Variants in PALM2AKAP2 observed in about 807,000 individuals in gnomAD.
PALM2AKAP2 encodes PALM2 and AKAP2 fusion.
Under a neutral mutation model 71.5 loss-of-function variants are expected in PALM2AKAP2, and 37 were observed. That is an observed-to-expected ratio of 0.52 (90% CI 0.40 to 0.68). The LOEUF (loss-of-function observed/expected upper bound fraction) is 0.68. PALM2AKAP2 is among the 30% of genes least tolerant of loss of function. The probability of loss-of-function intolerance (pLI) is 0.00; values close to 1 mark genes in which losing one functional copy is unlikely to be tolerated. For missense variants in PALM2AKAP2, 1,224 were observed against 1,191.8 expected, an observed-to-expected ratio of 1.03 and a Z score of -0.40; for synonymous variants, 468 against 478.8, an observed-to-expected ratio of 0.98 and a Z score of 0.29.
At chr9:109,644,604 G>T (rs10979979) in intron 1 of PALM2AKAP2, among the ~76,000 whole-genome samples, 31,500 of 151,940 alleles carry the variant, frequency 0.21, 3,334 homozygotes, top group African/African-American at 0.27. Context: ...CTATCACATT[G>T]TCAGGCTGCA....
At chr9:109,845,398 C>T (rs765927304) in intron 1 of PALM2AKAP2, among the ~76,000 whole-genome samples, 18 of 152,246 alleles carry the variant, frequency 1.2e-4, no homozygotes, top group Non-Finnish European at 1.8e-4. Context: ...CAAAAAATTG[C>T]TCCATTAACT....
chr9:110,149,252 C>A (rs1836352983), intron 2 of PALM2AKAP2, among the ~76,000 whole-genome samples: 1 of 152,208 alleles, frequency 6.6e-6, no homozygotes, highest in African/African-American at 2.4e-5. Context: ...GCTTAGTCTA[C>A]CTTGCAATGC....
At chr9:109,691,865 TATAC>T (rs1466143048) in intron 1 of PALM2AKAP2, among the ~76,000 whole-genome samples, 2,669 of 45,098 alleles carry the variant, frequency 0.059, 66 homozygotes, top group East Asian at 0.18. Context: ...TATATATATA[TATAC>T]ACACACACAC....
At chr9:109,964,151 C>G (rs900859928) in intron 6 of PALM2AKAP2, among the ~76,000 whole-genome samples, 2 of 152,228 alleles carry the variant, frequency 1.3e-5, no homozygotes, top group Admixed American at 6.5e-5. Flanking sequence ...TACTGTATGT[C>G]AGCATCTATT....
intron 6 of PALM2AKAP2, among the ~76,000 whole-genome samples, chr9:109,973,504 C>T (rs536119750): frequency 2.6e-5 from 4 of 152,284 alleles, no homozygotes; most frequent in Admixed American, 6.5e-5. Context: ...GGATGTGGCA[C>T]GTGTAGCTTA....
At chr9:109,728,142 T>C (rs1231215989) in intron 1 of PALM2AKAP2, among the ~76,000 whole-genome samples, 2 of 152,246 alleles carry the variant, frequency 1.3e-5, no homozygotes, top group Admixed American at 6.5e-5. Flanking sequence ...GTCTTGCAGA[T>C]TGGATAGCTT....
chr9:109,920,574 T>C (rs1235488469), intron 3 of PALM2AKAP2, among the ~76,000 whole-genome samples: 1 of 151,920 alleles, frequency 6.6e-6, no homozygotes, highest in Non-Finnish European at 1.5e-5. Context: ...GAGACGGGCT[T>C]TCACCATGTT....
intron 1 of PALM2AKAP2, among the ~76,000 whole-genome samples, chr9:109,725,252 C>T (rs1828459473): frequency 6.6e-6 from 1 of 152,064 alleles, no homozygotes; most frequent in South Asian, 2.1e-4. Context: ...ATTGATTCTA[C>T]CTTTATTTCA....
rs1331579380 is a variant in PALM2AKAP2 at position 109,794,161 on chromosome 9, GTT to G, written c.45+13631_45+13632del. The stretch of plus-strand genomic sequence containing the variant: ...TTTTCTGGGCTTACCATGATGAGAG[GTT>G]TTGTTTACCGAAGCTGGCATGTGAG... On this transcript the variant is annotated intron_variant, in intron 1 of 9. Coordinates refer to the PALM2AKAP2 transcript ENST00000302798. 2.6e-5 allele frequency among the ~76,000 whole-genome samples: 4 copies of G among 152,264 alleles called. No individual in the cohort carries two copies. The East Asian group carries it at 7.7e-4, about 29-fold the overall frequency.
chr9:109,903,339 G>A (rs572557061), intron 3 of PALM2AKAP2, among the ~76,000 whole-genome samples: 1 of 151,912 alleles, frequency 6.6e-6, no homozygotes, highest in Non-Finnish European at 1.5e-5. Context: ...AGGGCCACTG[G>A]TTGGGTTGTT....
intron 1 of PALM2AKAP2, among the ~76,000 whole-genome samples, chr9:109,860,150 A>T (rs1279392289): frequency 6.6e-6 from 1 of 152,198 alleles, no homozygotes; most frequent in African/African-American, 2.4e-5. Flanking sequence ...ACTCAGCATT[A>T]CTTGTTAGCT....
Position 109,702,459 on chromosome 9 carries a change from G to A in PALM2AKAP2, c.5+61593G>A, listed in dbSNP as rs1828076091. ...CCTTTGTAGGGACATGGATGAAGCT[G>A]GAAGCCATCATTCTCAGCAAACTAT... On this transcript the variant is annotated intron_variant, in intron 1 of 6. Transcript: ENST00000374531. Among the ~76,000 whole-genome samples, 4 of 152,210 alleles carry A rather than the reference G, an allele frequency of 2.6e-5. No individual in the cohort carries two copies. In the South Asian group the frequency reaches 8.3e-4, roughly 32 times the overall value.
At chr9:109,674,021 A>G (rs1340878413) in intron 1 of PALM2AKAP2, among the ~76,000 whole-genome samples, 7 of 152,072 alleles carry the variant, frequency 4.6e-5, no homozygotes, top group African/African-American at 1.7e-4. Context: ...TCTTGAAGAC[A>G]GAATACCAAT....
Position 109,932,655 on chromosome 9 carries a change from C to T in PALM2AKAP2, c.496+627C>T, listed in dbSNP as rs145244004. Among the ~76,000 whole-genome samples the T allele has an allele frequency of 3.3e-5, 5 of 151,916 alleles. No individual in the cohort carries two copies. In the East Asian group the frequency reaches 9.7e-4, roughly 29 times the overall value. On this transcript the variant is annotated intron_variant, in intron 6 of 9. Coordinates refer to the PALM2AKAP2 transcript ENST00000302798. ...GTAGGGAGAACCATGCTTTGCTCTG[C>T]TTAATGCAGACATGCCTCAGAAATC...
chr9:110,082,970 C>A (rs567872997), intron 1 of PALM2AKAP2, among the ~76,000 whole-genome samples: 1 of 151,996 alleles, frequency 6.6e-6, no homozygotes, highest in Non-Finnish European at 1.5e-5. Flanking sequence ...GGAGAAACCC[C>A]GTCTCTACTA....
At chr9:109,776,195 T>G (rs1378239276), upstream of PALM2AKAP2, among the ~76,000 whole-genome samples, 1 of 152,236 alleles carries the variant, frequency 6.6e-6, no homozygotes, top group African/African-American at 2.4e-5. Context: ...TAGCATAGTT[T>G]GGGTTTTAAA....
chr9:110,005,973 C>T (rs539581940), intron 6 of PALM2AKAP2, among the ~76,000 whole-genome samples: 35 of 152,160 alleles, frequency 2.3e-4, no homozygotes, highest in Non-Finnish European at 4.3e-4. Flanking sequence ...CTTGCACTTC[C>T]CAGGTGAGGC....
chr9:109,944,139 C>G (rs768476457), intron 6 of PALM2AKAP2: 2 of 152,342 alleles, frequency 1.3e-5, no homozygotes, highest in South Asian at 4.1e-4. Context: ...ACCGATGAAC[C>G]CTTTATATAA....
chr9:110,139,462 C>G (rs965892292), intron 2 of PALM2AKAP2, among the ~76,000 whole-genome samples: 1 of 152,142 alleles, frequency 6.6e-6, no homozygotes, highest in African/African-American at 2.4e-5. Flanking sequence ...TTTGAAAACT[C>G]CTATTGCAAT....
Sources: allele counts gnomAD v4.1 joint callset (sites outside exome capture counted in the v4.1 genomes callset), GRCh38; gene constraint gnomAD v4.1.1; transcripts MANE v1.5; gene names NCBI Gene and HGNC (gene_info 2026-07-23, HGNC 2026-07-21).